RFX6: variants seen among roughly 807,000 people sequenced by gnomAD.
RFX6 encodes the protein regulatory factor X6.
In RFX6, 50 loss-of-function variants were observed where a neutral mutation model predicts 110.8. That is an observed-to-expected ratio of 0.45 (90% CI 0.36 to 0.57). The LOEUF (loss-of-function observed/expected upper bound fraction) is 0.57, where lower values mean the gene tolerates loss of function less well. RFX6 is among the 20% of genes least tolerant of loss of function. The probability of loss-of-function intolerance (pLI) is 0.00; values close to 1 mark genes in which losing one functional copy is unlikely to be tolerated. For missense variants in RFX6, 990 were observed against 1,127.0 expected, an observed-to-expected ratio of 0.88 and a Z score of 1.74; for synonymous variants, 383 against 411.2, an observed-to-expected ratio of 0.93 and a Z score of 0.83.
intron 9 of RFX6, among the ~76,000 whole-genome samples, chr6:116,917,310 A>G (rs2114694276): frequency 6.6e-6 from 1 of 151,180 alleles, no homozygotes; most frequent in South Asian, 2.1e-4. Flanking sequence ...AAGTTGAAAA[A>G]ATTTCAGAGG....
intron 6 of RFX6, among the ~76,000 whole-genome samples, chr6:116,908,669 T>C (rs1477226165): frequency 8.8e-5 from 9 of 102,294 alleles, no homozygotes; most frequent in South Asian, 7.7e-4. Flanking sequence ...ATTTCTAGCA[T>C]ACACACACAC....
At chr6:116,918,392 T>C (rs2114695283) in intron 10 of RFX6, among the ~76,000 whole-genome samples, 1 of 152,152 alleles carries the variant, frequency 6.6e-6, no homozygotes, top group Admixed American at 6.6e-5. Flanking sequence ...AGATAATTAA[T>C]GGAAAATAAC....
Position 116,877,318 on chromosome 6 carries a change from C to G in RFX6, c.43C>G (p.Gln15Glu), listed in dbSNP as rs776293811. ...GCTGGAAGACACCTTCCTGCAGGCGCAGCCTGCGCCCCAACTGTCCCCGGG... is the reference window on the plus strand; with the variant it reads ...GCTGGAAGACACCTTCCTGCAGGCGGAGCCTGCGCCCCAACTGTCCCCGGG... ...PELEDTFLQAQPAPQLSPGIQ... is the reference protein window; with the variant it reads ...PELEDTFLQAEPAPQLSPGIQ... Residue 15 changes from glutamine (Q) to glutamate (E), a missense_variant, in exon 1 of 19, where the codon CAG becomes GAG. Physicochemically the swap from Gln to Glu is conservative, Grantham distance 29 (BLOSUM62 2). Coordinates refer to ENST00000332958, the MANE Select transcript of RFX6 (RefSeq NM_173560.4). 1 of 1,612,884 alleles carries G rather than the reference C, an allele frequency of 6.2e-7. No homozygotes were observed. The highest frequency in any genetic ancestry group is 8.5e-7 in the Non-Finnish European group (1 of 1,179,624).
rs1775506674 is a variant in RFX6 at position 116,918,027 on chromosome 6, T to C, written c.973-10T>C. 6.3e-7 allele frequency: 1 copy of C among 1,592,586 alleles called. No individual in the cohort carries two copies. Among genetic ancestry groups the C allele is most frequent in the African/African-American group, 1.3e-5 (1 of 74,574 alleles). ...AAAGATTTGTATTAACCTCTTTTGCTATGATTAAGGTTCTTACAGATGTAC... is the reference window on the plus strand; with the variant it reads ...AAAGATTTGTATTAACCTCTTTTGCCATGATTAAGGTTCTTACAGATGTAC... On this transcript the variant is annotated splice_polypyrimidine_tract_variant and intron_variant, in intron 9 of 18. Coordinates refer to ENST00000332958, the MANE Select transcript of RFX6 (RefSeq NM_173560.4).
chr6:116,924,885 A>T (rs1257036003), intron 15 of RFX6, 94 bp downstream of exon 15: 1 of 888,310 alleles, frequency 1.1e-6, no homozygotes, highest in Non-Finnish European at 1.8e-6. Flanking sequence ...GGTTTATCAT[A>T]ATCTCAGAGT....
intron 7 of RFX6, among the ~76,000 whole-genome samples, chr6:116,913,857 A>T (rs1775407934): frequency 6.6e-6 from 1 of 152,226 alleles, no homozygotes; most frequent in African/African-American, 2.4e-5. Flanking sequence ...TAATATGCTT[A>T]TATAATTTGT....
chr6:116,882,498 AT>A, intron 4 of RFX6, 70 bp downstream of exon 4: 1 of 1,127,880 alleles, frequency 8.9e-7, no homozygotes, highest in Non-Finnish European at 1.4e-6. Context: ...TAAAATAAGT[AT>A]TGTCTTTGTC....
intron 6 of RFX6, among the ~76,000 whole-genome samples, chr6:116,898,177 G>A (rs1774991053): frequency 6.6e-6 from 1 of 152,206 alleles, no homozygotes; most frequent in Admixed American, 6.5e-5. Context: ...AGGATCCATG[G>A]AATTAGTTAA....
chr6:116,926,942 A>T, intron 16 of RFX6, 85 bp from the exon 17 acceptor site: 1 of 1,261,090 alleles, frequency 7.9e-7, no homozygotes, highest in Non-Finnish European at 1.2e-6. Flanking sequence ...ACAATACATT[A>T]ATAAATCTTT....
chr6:116,917,173 CAAG>C (rs1392172586), intron 9 of RFX6, among the ~76,000 whole-genome samples: 1 of 151,934 alleles, frequency 6.6e-6, no homozygotes, highest in African/African-American at 2.4e-5. Context: ...CTAAGCAGAC[CAAG>C]AAGTAATGAG....
intron 7 of RFX6, among the ~76,000 whole-genome samples, chr6:116,912,210 T>G (rs1025201364): frequency 6.6e-6 from 1 of 151,988 alleles, no homozygotes; most frequent in Non-Finnish European, 1.5e-5. Flanking sequence ...GGAAATGGGT[T>G]GAAAAACTAA....
intron 5 of RFX6, among the ~76,000 whole-genome samples, chr6:116,894,496 T>C (rs560533272): frequency 2.0e-5 from 3 of 152,264 alleles, no homozygotes; most frequent in South Asian, 4.2e-4. Context: ...TCTAATCACA[T>C]ATACTTTGAC....
intron 4 of RFX6, among the ~76,000 whole-genome samples, chr6:116,891,172 C>A (rs1381565366): frequency 1.3e-5 from 2 of 152,136 alleles, no homozygotes; most frequent in Non-Finnish European, 2.9e-5. Flanking sequence ...ATGGATATTC[C>A]TGATCAGATT....
intron 17 of RFX6, 42 bp from the exon 18 acceptor site, chr6:116,928,717 T>G: frequency 1.4e-6 from 2 of 1,426,532 alleles, no homozygotes; most frequent in Non-Finnish European, 2.0e-6. Flanking sequence ...GAAAGTTCTT[T>G]GTAGTAAGTT....
intron 6 of RFX6, among the ~76,000 whole-genome samples, chr6:116,906,987 T>A (rs1214319492): frequency 6.6e-6 from 1 of 151,990 alleles, no homozygotes; most frequent in Non-Finnish European, 1.5e-5. Context: ...CCATTACATA[T>A]GATGTTTTCT....
intron 6 of RFX6, among the ~76,000 whole-genome samples, chr6:116,898,162 T>C (rs1292959971): frequency 6.6e-6 from 1 of 151,724 alleles, no homozygotes; most frequent in Non-Finnish European, 1.5e-5. Context: ...AGATAAGGAG[T>C]GGAAAGGATC....
chr6:116,929,949 G>C (rs1244109569), intron 18 of RFX6, among the ~76,000 whole-genome samples: 1 of 152,162 alleles, frequency 6.6e-6, no homozygotes, highest in African/African-American at 2.4e-5. Context: ...GCAGAATCTA[G>C]CAGCTCATCT....
chr6:116,899,478 T>G (rs1006073758), intron 6 of RFX6, among the ~76,000 whole-genome samples: 2 of 152,178 alleles, frequency 1.3e-5, no homozygotes, highest in Non-Finnish European at 2.9e-5. Flanking sequence ...AGAACAAATC[T>G]GCAGCAGAGT....
chr6:116,892,652 A>G (rs1395456576), intron 4 of RFX6, among the ~76,000 whole-genome samples: 1 of 152,138 alleles, frequency 6.6e-6, no homozygotes, highest in Non-Finnish European at 1.5e-5. Flanking sequence ...CCCCACCACC[A>G]TGTTCCCATA....
Sources: gnomAD v4.1 joint callset for allele counts (sites outside exome capture counted in the v4.1 genomes callset) on GRCh38, gnomAD v4.1.1 for gene constraint, MANE v1.5 for transcripts, NCBI Gene and HGNC (gene_info 2026-07-23, HGNC 2026-07-21) for gene names.